The following DNM3 variants were observed in gnomAD, a reference collection of about 807,000 sequenced individuals.
The protein encoded by DNM3 is dynamin-3.
DNM3 carries 47 observed loss-of-function variants against 101.6 expected under a neutral mutation model. That is an observed-to-expected ratio of 0.46 (90% CI 0.37 to 0.59). The LOEUF is 0.59. Ranked by LOEUF, DNM3 falls within the 20% of genes least tolerant of loss-of-function variation. DNM3 has a pLI of 0.00. For missense variants in DNM3, 849 were observed against 1,085.7 expected, an observed-to-expected ratio of 0.78 and a Z score of 3.06; for synonymous variants, 385 against 387.9, an observed-to-expected ratio of 0.99 and a Z score of 0.09.
chr1:172,250,767 T>C (rs770582146), intron 14 of DNM3, among the ~76,000 whole-genome samples: 5 of 152,042 alleles, frequency 3.3e-5, no homozygotes, highest in Admixed American at 6.6e-5. Context: ...ATAAACCTGA[T>C]AGCAGAAACA....
chr1:172,251,552 C>T (rs1329950655), intron 14 of DNM3, among the ~76,000 whole-genome samples: 1 of 152,054 alleles, frequency 6.6e-6, no homozygotes, highest in Non-Finnish European at 1.5e-5. Context: ...GATATGAGGA[C>T]CATTTTTCAT....
chr1:172,144,141 G>A (rs1315035873), intron 14 of DNM3, among the ~76,000 whole-genome samples: 1 of 151,380 alleles, frequency 6.6e-6, no homozygotes, highest in Non-Finnish European at 1.5e-5. Context: ...TCATTTTGAA[G>A]TGGGAAAACC....
At chr1:172,021,850 T>A (rs185755332) in intron 4 of DNM3, among the ~76,000 whole-genome samples, 19 of 152,364 alleles carry the variant, frequency 1.2e-4, no homozygotes, top group Non-Finnish European at 2.4e-4. Flanking sequence ...TTATTATTTT[T>A]AATTTCCTTT....
chr1:171,851,990 T>C (rs7526653), intron 1 of DNM3, among the ~76,000 whole-genome samples: 113,738 of 152,174 alleles, frequency 0.75, 43,198 homozygotes, highest in African/African-American at 0.9. Context: ...TTTGGTTATT[T>C]TCTATTTAAA....
At chr1:172,104,383 C>T (rs953170824) in intron 13 of DNM3, among the ~76,000 whole-genome samples, 1 of 151,742 alleles carries the variant, frequency 6.6e-6, no homozygotes, top group Non-Finnish European at 1.5e-5. Context: ...ATACTTCTGT[C>T]TTCTTAAACC....
intron 14 of DNM3, among the ~76,000 whole-genome samples, chr1:172,201,589 G>A (rs1471086127): frequency 1.3e-5 from 2 of 152,214 alleles, no homozygotes; most frequent in Non-Finnish European, 2.9e-5. Context: ...TGGGACCCAT[G>A]GGAGATGGAT....
At chr1:172,145,054 GA>G (rs1419023022) in intron 14 of DNM3, among the ~76,000 whole-genome samples, 1 of 151,662 alleles carries the variant, frequency 6.6e-6, no homozygotes, top group African/African-American at 2.4e-5. Context: ...CCCCAGTATG[GA>G]AAAGCTGTAA....
At chr1:172,176,199 G>A (rs909698604) in intron 14 of DNM3, among the ~76,000 whole-genome samples, 1 of 151,780 alleles carries the variant, frequency 6.6e-6, no homozygotes, top group African/African-American at 2.4e-5. Context: ...CAGAGTTGAA[G>A]AGAAGATATA....
At chr1:172,051,015 C>T (rs986847652) in intron 10 of DNM3, among the ~76,000 whole-genome samples, 5 of 152,126 alleles carry the variant, frequency 3.3e-5, no homozygotes, top group African/African-American at 7.2e-5. Context: ...TTCCATTATG[C>T]TCCTTGGATT....
chr1:172,217,453 G>A (rs1572988589), intron 14 of DNM3, among the ~76,000 whole-genome samples: 4 of 152,088 alleles, frequency 2.6e-5, no homozygotes, highest in Admixed American at 2.6e-4. Context: ...TTTGTGTAGC[G>A]GTAAGTGAAG....
intron 10 of DNM3, among the ~76,000 whole-genome samples, chr1:172,064,297 C>T (rs571578734): frequency 4.5e-4 from 69 of 152,176 alleles, no homozygotes; most frequent in African/African-American, 1.6e-3. Context: ...CTCCCATATT[C>T]TTACAACTGT....
At chr1:172,044,802 A>G (rs1002766285) in intron 9 of DNM3, among the ~76,000 whole-genome samples, 1 of 152,116 alleles carries the variant, frequency 6.6e-6, no homozygotes, top group Non-Finnish European at 1.5e-5. Context: ...GGGACAGATT[A>G]ATTTTGACTA....
At chr1:172,053,543 GA>G (rs956204198) in intron 10 of DNM3, among the ~76,000 whole-genome samples, 1 of 151,408 alleles carries the variant, frequency 6.6e-6, no homozygotes. Context: ...AAGCTCCTTT[GA>G]AAAAAAAGGC....
intron 11 of DNM3, among the ~76,000 whole-genome samples, chr1:172,079,915 A>G (rs2052999192): frequency 6.6e-6 from 1 of 151,694 alleles, no homozygotes; most frequent in African/African-American, 2.4e-5. Flanking sequence ...CTAGAGTTCC[A>G]CTCCAGACCC....
chr1:172,386,060 A>G (rs1433935106), intron 18 of DNM3, among the ~76,000 whole-genome samples: 4 of 152,216 alleles, frequency 2.6e-5, no homozygotes, highest in South Asian at 4.1e-4. Flanking sequence ...TTGTTTCTGT[A>G]TCTATAAAAC....
chr1:171,879,600 C>A (rs1487008814), intron 1 of DNM3, among the ~76,000 whole-genome samples: 1 of 152,158 alleles, frequency 6.6e-6, no homozygotes, highest in East Asian at 1.9e-4. Context: ...CTAATCTAAT[C>A]ATTGGACTCT....
At chr1:172,336,302 G>A (rs1470768011) in intron 17 of DNM3, among the ~76,000 whole-genome samples, 1 of 152,004 alleles carries the variant, frequency 6.6e-6, no homozygotes, top group East Asian at 1.9e-4. Flanking sequence ...TAAACCCAGG[G>A]TTAAGTCTAG....
intron 17 of DNM3, among the ~76,000 whole-genome samples, chr1:172,335,787 C>A (rs1322356315): frequency 6.6e-6 from 1 of 152,106 alleles, no homozygotes; most frequent in Admixed American, 6.5e-5. Context: ...CTGGGGACTA[C>A]TGGATAGGGG....
chr1:172,225,184 G>A (rs1573015922), intron 14 of DNM3, among the ~76,000 whole-genome samples: 1 of 136,706 alleles, frequency 7.3e-6, no homozygotes, highest in African/African-American at 2.8e-5. Context: ...GTGTCGCCAG[G>A]CTGGAGTGCA....
Sources: allele counts gnomAD v4.1 joint callset (sites outside exome capture counted in the v4.1 genomes callset), GRCh38; gene constraint gnomAD v4.1.1; transcripts MANE v1.5; gene names NCBI Gene and HGNC (gene_info 2026-07-23, HGNC 2026-07-21).